Variants in PDS5A observed in about 807,000 individuals in gnomAD.
PDS5A encodes PDS5 cohesin associated factor A.
PDS5A carries 42 observed loss-of-function variants against 167.1 expected under a neutral mutation model. The ratio of observed to expected loss-of-function variants is 0.25; its 90% CI spans 0.20 to 0.33. The LOEUF (loss-of-function observed/expected upper bound fraction) is 0.33. PDS5A is among the 10% of genes least tolerant of loss of function. The pLI, the probability that PDS5A is intolerant of heterozygous loss-of-function variation, is 1.00. For synonymous variants in PDS5A, 553 were observed against 554.6 expected (o/e 1.00, Z 0.04); for missense variants, 1,033 against 1,605.9 (o/e 0.64, Z 6.10).
chr4:39,891,588 C>A (rs187188207), intron 16 of PDS5A, among the ~76,000 whole-genome samples: 2 of 151,690 alleles, frequency 1.3e-5, no homozygotes, highest in African/African-American at 4.8e-5. Flanking sequence ...GCGGAGGCTG[C>A]GGTGAGCTGA....
chr4:39,949,821 G>GAAA lies in PDS5A; in HGVS notation c.139-21660_139-21658dup, dbSNP rs59869303. On this transcript the variant is annotated intron_variant, in intron 2 of 32. Transcript: ENST00000303538. ...GGCGACAGAATAAGACTCTGTCTCAGAAAAAAAAAAAAAAGAAAAACACCA... is the reference window on the plus strand; with the variant it reads ...GGCGACAGAATAAGACTCTGTCTCAGAAAAAAAAAAAAAAAAAGAAAAACACCA... Among the ~76,000 whole-genome samples the GAAA allele has an allele frequency of 1.1e-3, 73 of 67,204 alleles. 5 individuals are homozygous for GAAA. The highest frequency in any genetic ancestry group is 1.6e-3 in the Non-Finnish European group (61 of 37,762). The allele number at this position is 67,204 out of a possible 152,430, so 44.1% of individuals were successfully genotyped here.
Position 39,948,210 on chromosome 4 carries a change from CAAAAA to C in PDS5A, c.139-20051_139-20047del, listed in dbSNP as rs35177594. ...GGCAACACAGCAAGATATCCCGTCTCAAAAAAAAAAAAAAAAAAAGAAAGAAAGAA... is the reference window on the plus strand; with the variant it reads ...GGCAACACAGCAAGATATCCCGTCTCAAAAAAAAAAAAAAGAAAGAAAGAA... On this transcript the variant is annotated intron_variant, in intron 2 of 32. Transcript: ENST00000303538. Among the ~76,000 whole-genome samples the C allele has an allele frequency of 4.1e-5, 4 of 96,436 alleles. No individual in the cohort carries two copies. The South Asian group carries it at 9.5e-4, about 23-fold the overall frequency. 63.3% of individuals were successfully genotyped at this position (96,436 alleles called of 152,430 possible).
chr4:39,878,539 G>A (rs1295026762), intron 18 of PDS5A, among the ~76,000 whole-genome samples: 7 of 151,992 alleles, frequency 4.6e-5, no homozygotes. Flanking sequence ...GGAGCTTGCA[G>A]TGAGCCGAGA....
At position 39,976,432 on chromosome 4, in the gene PDS5A, A is replaced by C. The variant is rs1237012535; in HGVS notation, c.138+8T>G. 2.5e-6 allele frequency: 4 copies of C among 1,609,516 alleles called. No homozygotes were observed. In the African/African-American group the frequency reaches 4.0e-5, roughly 16 times the overall value. On this transcript the variant is annotated splice_region_variant and intron_variant, in intron 2 of 32. Coordinates refer to ENST00000303538, the MANE Select transcript of PDS5A (RefSeq NM_001100399.2). ...ACCAAAGACATCAAAATCCGTCCAGACACTTACCTTCAGGCGTTTGATCAT... is the reference window on the plus strand; with the variant it reads ...ACCAAAGACATCAAAATCCGTCCAGCCACTTACCTTCAGGCGTTTGATCAT...
In PDS5A at chr4:39,977,385, C is replaced by CCCCTCCAGTCTCCCCTTCCGTCCCCT. The variant is rs1731220916; in HGVS notation, c.-41+46_-41+71dup. The CCCCTCCAGTCTCCCCTTCCGTCCCCT allele has an allele frequency of 6.6e-6, 1 of 152,308 alleles. No homozygotes were observed. Among genetic ancestry groups the CCCCTCCAGTCTCCCCTTCCGTCCCCT allele is most frequent in the Non-Finnish European group, 1.5e-5 (1 of 68,146 alleles). The allele number at this position is 152,308 out of a possible 1,614,324, so 9.4% of individuals were successfully genotyped here. A position where few individuals can be genotyped will look rare whatever the true frequency, so the allele number is the denominator to read the frequency against. ...CACCGGGCCTCGGACCCGCGGCCCC[C>CCCCTCCAGTCTCCCCTTCCGTCCCCT]CCCTCCAGTCTCCCCTTCCGTCCCC... On this transcript the variant is annotated intron_variant, in intron 1 of 32. Coordinates refer to ENST00000303538, the MANE Select transcript of PDS5A (RefSeq NM_001100399.2). This position sits in a 1 kb window ranked among gnomAD's most constrained non-coding sequence, Gnocchi z 4.2.
chr4:39,880,705 G>A (rs995438270), intron 17 of PDS5A, among the ~76,000 whole-genome samples: 2 of 152,052 alleles, frequency 1.3e-5, no homozygotes, highest in African/African-American at 2.4e-5. Flanking sequence ...TATTCATGGG[G>A]TACACAGTGA....
At chr4:39,866,178 G>A (rs1719435019) in intron 23 of PDS5A, among the ~76,000 whole-genome samples, 1 of 152,024 alleles carries the variant, frequency 6.6e-6, no homozygotes, top group Admixed American at 6.6e-5. Flanking sequence ...GCGGTGGCAC[G>A]ATCTCAGCTC....
chr4:39,919,836 A>T (rs552318640), intron 7 of PDS5A, among the ~76,000 whole-genome samples: 31 of 152,322 alleles, frequency 2.0e-4, no homozygotes, highest in African/African-American at 7.5e-4. Context: ...TGTAGCAACT[A>T]TCACAATCTT....
chr4:39,935,150 G>A (rs562325914), intron 2 of PDS5A, among the ~76,000 whole-genome samples: 84 of 152,266 alleles, frequency 5.5e-4, no homozygotes, highest in African/African-American at 1.9e-3. Flanking sequence ...TTGACTGATT[G>A]GGACGGAGTC....
chr4:39,863,384 A>T lies in PDS5A; in HGVS notation c.2718T>A (p.His906Gln). 1 of 1,610,052 alleles carries T rather than the reference A, an allele frequency of 6.2e-7. No individual in the cohort carries two copies. Among genetic ancestry groups the T allele is most frequent in the Non-Finnish European group, 8.5e-7 (1 of 1,176,982 alleles). ...IMKLAQEPCYHEIITPEQFQL... is the reference protein window; with the variant it reads ...IMKLAQEPCYQEIITPEQFQL... ...GAAACTGTTCTGGGGTAATAATTTC[A>T]TGGTAACAAGGTTCCTGAGCAAGCT... Residue 906 changes from histidine to glutamine, a missense_variant, in exon 24 of 33, where the codon CAT becomes CAA. Transcript: ENST00000303538.
At chr4:39,908,053 T>C (rs1465920871) in intron 11 of PDS5A, among the ~76,000 whole-genome samples, 1 of 152,230 alleles carries the variant, frequency 6.6e-6, no homozygotes, top group Non-Finnish European at 1.5e-5. Context: ...GAAAGTCATA[T>C]GTGAAAATGT....
At chr4:39,905,219 CCACT>C (rs1271045359) in intron 11 of PDS5A, among the ~76,000 whole-genome samples, 8 of 151,996 alleles carry the variant, frequency 5.3e-5, no homozygotes, top group Non-Finnish European at 1.0e-4. Flanking sequence ...CAAAACCTGC[CCACT>C]CAAACAGAGC....
At chr4:39,927,751 C>G (rs1725595029) in intron 3 of PDS5A, among the ~76,000 whole-genome samples, 1 of 152,096 alleles carries the variant, frequency 6.6e-6, no homozygotes, top group Admixed American at 6.5e-5. Flanking sequence ...TTGAACTATA[C>G]CTTTCTATGC....
At chr4:39,932,285 T>C (rs1726145778) in intron 2 of PDS5A, among the ~76,000 whole-genome samples, 1 of 152,142 alleles carries the variant, frequency 6.6e-6, no homozygotes, top group Non-Finnish European at 1.5e-5. Flanking sequence ...AATGCCCCTA[T>C]GGGAATGTAC....
At chr4:39,906,937 A>AAC (rs1723425564) in intron 11 of PDS5A, among the ~76,000 whole-genome samples, 1 of 151,328 alleles carries the variant, frequency 6.6e-6, no homozygotes, top group Admixed American at 6.6e-5. Flanking sequence ...AAAAAAAAAA[A>AAC]AAAAAACAAG....
At chr4:39,943,229 G>A (rs1727405059) in intron 2 of PDS5A, among the ~76,000 whole-genome samples, 1 of 150,466 alleles carries the variant, frequency 6.6e-6, no homozygotes, top group South Asian at 2.1e-4. Context: ...AAGCAACAAA[G>A]ACAACAAAGC....
At chr4:39,976,322 C>T in intron 2 of PDS5A, 118 bp downstream of exon 2, 2 of 698,106 alleles carry the variant, frequency 2.9e-6, no homozygotes, top group Non-Finnish European at 4.8e-6. Flanking sequence ...CAGTACCTTT[C>T]AGAGGGGGTA....
chr4:39,970,600 C>A (rs2679786), intron 2 of PDS5A, among the ~76,000 whole-genome samples: 9 of 151,556 alleles, frequency 5.9e-5, no homozygotes, highest in Admixed American at 1.3e-4. Flanking sequence ...AACTATATAA[C>A]AACCAAAGTA....
intron 2 of PDS5A, among the ~76,000 whole-genome samples, chr4:39,962,687 C>A (rs1045898760): frequency 1.4e-4 from 22 of 151,870 alleles, no homozygotes; most frequent in African/African-American, 5.1e-4. Flanking sequence ...GCCTGTAATC[C>A]CATCTAGTTG....
Sources: allele counts gnomAD v4.1 joint callset (sites outside exome capture counted in the v4.1 genomes callset), GRCh38; gene constraint gnomAD v4.1.1; non-coding constraint Gnocchi (gnomAD v3.1); transcripts MANE v1.5; gene names NCBI Gene and HGNC (gene_info 2026-07-23, HGNC 2026-07-21).